Variants in CLSTN2 observed in about 807,000 individuals in gnomAD.
CLSTN2 encodes the protein calsyntenin 2, also known as calsyntenin-2.
In CLSTN2, 48 loss-of-function variants were observed where a neutral mutation model predicts 101.2. The ratio of observed to expected loss-of-function variants is 0.47; its 90% CI spans 0.38 to 0.60. CLSTN2 has a LOEUF of 0.60. Ranked by LOEUF, CLSTN2 falls within the 20% of genes least tolerant of loss-of-function variation. CLSTN2 has a pLI of 0.00. For synonymous variants in CLSTN2, 481 were observed against 463.6 expected, an observed-to-expected ratio of 1.04 and a Z score of -0.48; for missense variants, 1,160 against 1,238.2, an observed-to-expected ratio of 0.94 and a Z score of 0.95.
intron 1 of CLSTN2, among the ~76,000 whole-genome samples, chr3:140,115,332 G>A (rs554615594): frequency 6.6e-6 from 1 of 151,614 alleles, no homozygotes; most frequent in African/African-American, 2.4e-5. Context: ...CTCTGTGTGT[G>A]TTTACAGTGT....
chr3:140,346,322 A>G (rs1035706816), intron 2 of CLSTN2, among the ~76,000 whole-genome samples: 1 of 152,182 alleles, frequency 6.6e-6, no homozygotes. Context: ...GGGTATTCTC[A>G]TTTAGGAAAG....
intron 1 of CLSTN2, among the ~76,000 whole-genome samples, chr3:140,143,185 C>T (rs772949063): frequency 5.9e-5 from 9 of 152,176 alleles, no homozygotes; most frequent in Non-Finnish European, 1.2e-4. Flanking sequence ...CAATCATCGT[C>T]ATGTATCTGA....
intron 2 of CLSTN2, among the ~76,000 whole-genome samples, chr3:140,321,295 C>G (rs1277671839): frequency 1.3e-5 from 2 of 152,166 alleles, no homozygotes; most frequent in Non-Finnish European, 2.9e-5. Context: ...CTCAAGCCTC[C>G]TAAGCCTGCC....
At chr3:140,057,141 G>T (rs1449693788) in intron 1 of CLSTN2, among the ~76,000 whole-genome samples, 1 of 152,218 alleles carries the variant, frequency 6.6e-6, no homozygotes, top group Non-Finnish European at 1.5e-5. Context: ...TGAAGAAACT[G>T]AAGCCATGCA....
intron 1 of CLSTN2, among the ~76,000 whole-genome samples, chr3:140,135,115 CACATATAT>C (rs1347808461): frequency 4.4e-4 from 23 of 52,042 alleles, no homozygotes; most frequent in African/African-American, 2.1e-3. Flanking sequence ...CACACACACA[CACATATAT>C]ATATATATAT....
chr3:139,953,017 A>C (rs73224951), intron 1 of CLSTN2, among the ~76,000 whole-genome samples: 15,133 of 152,182 alleles, frequency 0.099, 944 homozygotes, highest in East Asian at 0.15. Flanking sequence ...CCGCTACCCC[A>C]CTGTGCTGAA....
intron 1 of CLSTN2, among the ~76,000 whole-genome samples, chr3:140,064,925 G>C (rs1023237381): frequency 3.3e-5 from 5 of 152,312 alleles, no homozygotes; most frequent in South Asian, 2.1e-4. Context: ...ATATGGAATA[G>C]ATTAAGTCAA....
chr3:140,231,238 A>G (rs1040457995), intron 2 of CLSTN2, among the ~76,000 whole-genome samples: 1 of 152,050 alleles, frequency 6.6e-6, no homozygotes, highest in Non-Finnish European at 1.5e-5. Flanking sequence ...TTTCTAACTG[A>G]AGCAGACACA....
At chr3:139,978,346 T>C (rs553443323) in intron 1 of CLSTN2, among the ~76,000 whole-genome samples, 3 of 152,268 alleles carry the variant, frequency 2.0e-5, no homozygotes, top group Non-Finnish European at 4.4e-5. Flanking sequence ...CTCTCTGATA[T>C]GTGAGAGCGT....
At chr3:140,404,437 T>C (rs1054555369) in intron 3 of CLSTN2, 121 bp from the exon 4 acceptor site, 18 of 811,320 alleles carry the variant, frequency 2.2e-5, no homozygotes, top group Non-Finnish European at 3.5e-5. Context: ...ACTGCCACAA[T>C]TGGCTGATGG....
intron 2 of CLSTN2, among the ~76,000 whole-genome samples, chr3:140,309,328 T>C (rs1164472540): frequency 1.3e-5 from 2 of 151,998 alleles, no homozygotes; most frequent in Admixed American, 6.6e-5. Context: ...GCTTGGGGCA[T>C]GTAAGTGACA....
intron 2 of CLSTN2, among the ~76,000 whole-genome samples, chr3:140,287,624 A>T (rs1332290864): frequency 1.3e-5 from 2 of 152,186 alleles, no homozygotes; most frequent in Non-Finnish European, 2.9e-5. Context: ...TGAGAAAAAA[A>T]CATAGTTTTT....
chr3:140,373,792 T>A (rs886154768), intron 2 of CLSTN2, among the ~76,000 whole-genome samples: 1 of 152,142 alleles, frequency 6.6e-6, no homozygotes, highest in African/African-American at 2.4e-5. Context: ...AAGCCTATCT[T>A]CCCAATCATC....
intron 1 of CLSTN2, among the ~76,000 whole-genome samples, chr3:140,063,154 T>G (rs72984104): frequency 6.6e-6 from 1 of 152,148 alleles, no homozygotes; most frequent in Non-Finnish European, 1.5e-5. Context: ...GGTCACAATG[T>G]TCTAGATCCA....
At chr3:140,425,680 G>A (rs1318046757) in intron 5 of CLSTN2, among the ~76,000 whole-genome samples, 2 of 152,210 alleles carry the variant, frequency 1.3e-5, no homozygotes, top group Non-Finnish European at 2.9e-5. Flanking sequence ...CAAGGGTTTA[G>A]CTTACAGCGA....
intron 2 of CLSTN2, among the ~76,000 whole-genome samples, chr3:140,185,760 A>C (rs1287513061): frequency 6.6e-6 from 1 of 152,150 alleles, no homozygotes. Flanking sequence ...CTCAAACTGC[A>C]GTTAGGAGTA....
At chr3:139,984,615 A>C (rs1935991169) in intron 1 of CLSTN2, among the ~76,000 whole-genome samples, 2 of 151,974 alleles carry the variant, frequency 1.3e-5, no homozygotes, top group South Asian at 4.2e-4. Context: ...CTCTGTCCTG[A>C]TTGTCTCTCT....
chr3:140,072,535 T>C (rs1275701916), intron 1 of CLSTN2, among the ~76,000 whole-genome samples: 1 of 152,232 alleles, frequency 6.6e-6, no homozygotes, highest in African/African-American at 2.4e-5. Context: ...TGGGGTTGTG[T>C]AGACACAGAT....
chr3:140,402,916 A>G (rs2088259500), intron 2 of CLSTN2, among the ~76,000 whole-genome samples: 1 of 152,138 alleles, frequency 6.6e-6, no homozygotes, highest in Non-Finnish European at 1.5e-5. Flanking sequence ...CTTTTCTCTA[A>G]TAAGTCTGTA....
Sources: allele counts gnomAD v4.1 joint callset (sites outside exome capture counted in the v4.1 genomes callset), GRCh38; gene constraint gnomAD v4.1.1; transcripts MANE v1.5; gene names NCBI Gene and HGNC (gene_info 2026-07-23, HGNC 2026-07-21).